Variants in CNTNAP3B observed in about 807,000 individuals in gnomAD.
The protein encoded by CNTNAP3B is contactin-associated protein-like 3B.
In CNTNAP3B, 25 loss-of-function variants were observed where a neutral mutation model predicts 108.9. That is an observed-to-expected ratio of 0.23 (90% CI 0.17 to 0.32). The LOEUF is 0.32. CNTNAP3B is among the 10% of genes least tolerant of loss of function. CNTNAP3B has a pLI of 1.00. For missense variants in CNTNAP3B, 252 were observed against 1,210.4 expected, an observed-to-expected ratio of 0.21 and a Z score of 11.75; for synonymous variants, 103 against 473.4, an observed-to-expected ratio of 0.22 and a Z score of 10.16.
chr9:41,916,360 G>T (rs1306087296), intron 18 of CNTNAP3B, among the ~76,000 whole-genome samples: 1 of 147,648 alleles, frequency 6.8e-6, no homozygotes, highest in Non-Finnish European at 1.5e-5. Flanking sequence ...ACTGAAAAGG[G>T]TAAGAAATAT....
chr9:41,997,316 C>T (rs532522133), intron 6 of CNTNAP3B, among the ~76,000 whole-genome samples: 323 of 152,182 alleles, frequency 2.1e-3, no homozygotes, highest in South Asian at 8.1e-3. Context: ...ACAATGCTTG[C>T]TACCTTGGTA....
intron 2 of CNTNAP3B, among the ~76,000 whole-genome samples, chr9:42,086,503 A>G (rs1286776286): frequency 7.4e-6 from 1 of 135,952 alleles, no homozygotes; most frequent in Non-Finnish European, 1.6e-5. Flanking sequence ...GCCAAGATTC[A>G]ATGCAATCTC....
chr9:42,026,781 T>C (rs1201125115), intron 3 of CNTNAP3B, among the ~76,000 whole-genome samples: 1 of 136,454 alleles, frequency 7.3e-6, no homozygotes, highest in Non-Finnish European at 1.6e-5. Context: ...TGAGCCTGTA[T>C]TACACATTTT....
intron 15 of CNTNAP3B, among the ~76,000 whole-genome samples, chr9:41,926,107 T>G (rs1823812030): frequency 6.6e-6 from 1 of 152,286 alleles, no homozygotes; most frequent in Admixed American, 6.5e-5. Flanking sequence ...TTAAAATCCA[T>G]GAGTTCATGT....
At chr9:41,983,361 G>T (rs1825669017) in intron 9 of CNTNAP3B, 1 of 79,084 alleles carries the variant, frequency 1.3e-5, no homozygotes, top group Non-Finnish European at 2.6e-5. Context: ...AAACAAAGTA[G>T]TGTGGATCAA....
intron 13 of CNTNAP3B, among the ~76,000 whole-genome samples, chr9:41,942,196 C>T (rs1277289428): frequency 2.6e-5 from 4 of 152,292 alleles, no homozygotes; most frequent in Admixed American, 1.3e-4. Context: ...ATGCTTCTGG[C>T]CGGGCGCGGT....
chr9:42,123,682 A>T lies in CNTNAP3B; in HGVS notation c.85+5328T>A, dbSNP rs563041201. On this transcript the variant is annotated intron_variant, in intron 1 of 23. Coordinates refer to ENST00000377561, the MANE Select transcript of CNTNAP3B (RefSeq NM_001201380.3). ...ATATATATCATTTTCCTAACTCTAC[A>T]TTTGCCTGAGAAGCAATGACATTCA... is the stretch of plus-strand genomic sequence containing the variant. 2.2e-5 allele frequency among the ~76,000 whole-genome samples: 3 copies of T among 138,076 alleles called. No homozygotes were observed. In the South Asian group the frequency reaches 7.0e-4, roughly 32 times the overall value. 90.6% of individuals were successfully genotyped at this position (138,076 alleles called of 152,430 possible).
intron 13 of CNTNAP3B, among the ~76,000 whole-genome samples, chr9:41,941,969 G>A (rs1439385356): frequency 2.0e-5 from 3 of 152,222 alleles, no homozygotes; most frequent in Non-Finnish European, 2.9e-5. Context: ...TGAAATAAGC[G>A]CTGAACATTA....
At position 42,123,723 on chromosome 9, in the gene CNTNAP3B, C is replaced by A. The variant is rs3100843; in HGVS notation, c.85+5287G>T. Among the ~76,000 whole-genome samples the A allele has an allele frequency of 9.4e-5, 13 of 138,166 alleles. 2 individuals carry two copies. Among genetic ancestry groups the A allele is most frequent in the African/African-American group, 2.3e-4 (8 of 34,846 alleles). 90.6% of individuals were successfully genotyped at this position (138,166 alleles called of 152,430 possible). A position where few individuals can be genotyped will look rare whatever the true frequency, so the allele number is the denominator to read the frequency against. Reference sequence around the variant, plus strand: ...ATGACATTCAATAAACTTTTTTCCACGGGATTTAGTTACAAAATAAGTTAA... The same window carrying A: ...ATGACATTCAATAAACTTTTTTCCAAGGGATTTAGTTACAAAATAAGTTAA... On this transcript the variant is annotated intron_variant, in intron 1 of 23. Coordinates refer to ENST00000377561, the MANE Select transcript of CNTNAP3B (RefSeq NM_001201380.3).
rs972799450 is a variant in CNTNAP3B, at chr9:41,993,563, C to T, written c.1072-1692G>A. 3 of 107,158 alleles carry T rather than the reference C, an allele frequency of 2.8e-5. 1 individual carries two copies. The highest frequency in any genetic ancestry group is 1.1e-4 in the African/African-American group (3 of 26,966). The allele number at this position is 107,158 out of a possible 1,614,324, so 6.6% of individuals were successfully genotyped here. ...AAGCTTACAACTAATTGGCGCTGATCCGTAGTACACATGTAATCACTGGAC... is the reference window on the plus strand; with the variant it reads ...AAGCTTACAACTAATTGGCGCTGATTCGTAGTACACATGTAATCACTGGAC... On this transcript the variant is annotated intron_variant, in intron 7 of 23. Transcript: ENST00000377561.
chr9:41,931,224 G>C (rs1257520538), intron 14 of CNTNAP3B, among the ~76,000 whole-genome samples: 1 of 152,256 alleles, frequency 6.6e-6, no homozygotes, highest in South Asian at 2.1e-4. Context: ...ACATATACTG[G>C]GGGCACATGT....
intron 14 of CNTNAP3B, among the ~76,000 whole-genome samples, chr9:41,935,288 T>C (rs1184132125): frequency 2.0e-5 from 3 of 151,758 alleles, no homozygotes; most frequent in Admixed American, 6.6e-5. Flanking sequence ...GGACAACTTA[T>C]GGAAAAATGG....
chr9:42,036,141 A>G (rs866131205), intron 3 of CNTNAP3B, among the ~76,000 whole-genome samples: 771 of 149,794 alleles, frequency 5.1e-3, no homozygotes, highest in Non-Finnish European at 8.5e-3. Context: ...CCTGACCTCA[A>G]GCACTCTTCC....
rs1449970869 is a variant in CNTNAP3B, at chr9:42,095,706, GTC to G, written c.196+8921_196+8922del. On this transcript the variant is annotated intron_variant, in intron 2 of 23. Transcript: ENST00000377561. The stretch of plus-strand genomic sequence containing the variant: ...GAGACTGGAAGTAGTCACAACAGGT[GTC>G]TCCGTCCAGTTAAGGGATAAGCCTG... Among the ~76,000 whole-genome samples the G allele has an allele frequency of 5.7e-5, 8 of 139,278 alleles. 1 individual carries two copies. Among genetic ancestry groups the G allele is most frequent in the East Asian group, 2.2e-4 (1 of 4,600 alleles). The allele number at this position is 139,278 out of a possible 152,430, so 91.4% of individuals were successfully genotyped here. A position where few individuals can be genotyped will look rare whatever the true frequency, so the allele number is the denominator to read the frequency against.
rs1260815117 is a variant in CNTNAP3B, at chr9:41,929,425, G to A, written c.2257C>T (p.Leu753Phe). ...ACTGGGAGGTGCTCCTTTTGGGAAA[G>A]GACTATTGTGTCACTAGTCCTAAAG... ...QNEWTSDTIV[L>F]SQKEHLPVTQ... is the part of the protein sequence containing the mutation. Residue 753 changes from leucine (L) to phenylalanine (F), a missense_variant, in exon 15 of 24, where the codon CTT (leucine) becomes TTT (phenylalanine). Physicochemically the swap from Leu to Phe is conservative, Grantham distance 22 (BLOSUM62 0). Coordinates refer to ENST00000377561, the MANE Select transcript of CNTNAP3B (RefSeq NM_001201380.3). 2 of 1,535,640 alleles carry A rather than the reference G, an allele frequency of 1.3e-6. No individual in the cohort carries two copies. Among genetic ancestry groups the A allele is most frequent in the Admixed American group, 3.6e-5 (2 of 55,764 alleles).
At chr9:42,118,079 C>T (rs1321072593) in intron 1 of CNTNAP3B, among the ~76,000 whole-genome samples, 37 of 132,888 alleles carry the variant, frequency 2.8e-4, no homozygotes, top group East Asian at 4.8e-4. Context: ...GGATTCACAG[C>T]CCAATTCTAC....
intron 13 of CNTNAP3B, among the ~76,000 whole-genome samples, chr9:41,942,811 C>A (rs1465006330): frequency 2.0e-5 from 3 of 151,800 alleles, no homozygotes; most frequent in African/African-American, 7.3e-5. Flanking sequence ...AATAAAATAA[C>A]CTTAGAGGAA....
At chr9:41,937,202 A>T in intron 14 of CNTNAP3B, among the ~76,000 whole-genome samples, 1 of 149,322 alleles carries the variant, frequency 6.7e-6, no homozygotes, top group African/African-American at 2.5e-5. Context: ...ATCTCAGCTC[A>T]CTGCAACCTC....
At chr9:41,947,187 T>G (rs1175267038) in intron 13 of CNTNAP3B, among the ~76,000 whole-genome samples, 6 of 149,342 alleles carry the variant, frequency 4.0e-5, no homozygotes, top group African/African-American at 1.5e-4. Context: ...TACAGAATAC[T>G]CCACTTAAGA....
Sources: allele counts gnomAD v4.1 joint callset (sites outside exome capture counted in the v4.1 genomes callset), GRCh38; gene constraint gnomAD v4.1.1; transcripts MANE v1.5; gene names NCBI Gene and HGNC (gene_info 2026-07-23, HGNC 2026-07-21).